The following NEK6 variants were observed in gnomAD, a reference collection of about 807,000 sequenced individuals.
NEK6 encodes NIMA related kinase 6.
A neutral mutation model predicts 43.5 loss-of-function variants in NEK6; 27 were observed. The observed-to-expected ratio is 0.62, with a 90% CI of 0.46 to 0.86. NEK6 has a LOEUF of 0.86. Ranked by LOEUF, NEK6 falls within the 40% of genes least tolerant of loss-of-function variation. The pLI is 0.00. For missense variants in NEK6, 318 were observed against 414.4 expected (o/e 0.77, Z 2.02); for synonymous variants, 167 against 164.1 (o/e 1.02, Z -0.14).
chr9:124,328,757 T>G (rs934764975), intron 7 of NEK6, among the ~76,000 whole-genome samples: 1 of 152,164 alleles, frequency 6.6e-6, no homozygotes, highest in Non-Finnish European at 1.5e-5. Flanking sequence ...TTAGGAGAAA[T>G]GTACGAGCCT....
chr9:124,274,589 G>A (rs1450976066), intron 1 of NEK6, among the ~76,000 whole-genome samples: 2 of 152,198 alleles, frequency 1.3e-5, no homozygotes, highest in African/African-American at 4.8e-5. Context: ...CTCACAGTCC[G>A]GGTACCTGTC....
chr9:124,305,431 G>A (rs1328831844), intron 2 of NEK6, among the ~76,000 whole-genome samples: 3 of 151,838 alleles, frequency 2.0e-5, no homozygotes, highest in South Asian at 2.1e-4. Flanking sequence ...GTGTTCACCT[G>A]TAATCTCAGC....
chr9:124,338,281 T>C (rs1829391700), intron 7 of NEK6, among the ~76,000 whole-genome samples: 2 of 152,190 alleles, frequency 1.3e-5, no homozygotes, highest in African/African-American at 4.8e-5. Flanking sequence ...GTGCCATTCA[T>C]TGTGTTTTAA....
intron 3 of NEK6, 59 bp from the exon 4 acceptor site, chr9:124,313,864 C>T (rs1336831683): frequency 3.8e-6 from 6 of 1,593,892 alleles, no homozygotes; most frequent in Admixed American, 1.7e-5. Flanking sequence ...CCGTGGCCTC[C>T]TTTGGGTCAC....
At chr9:124,263,996 C>T (rs546224824) in intron 1 of NEK6, among the ~76,000 whole-genome samples, 4 of 152,328 alleles carry the variant, frequency 2.6e-5, no homozygotes, top group South Asian at 2.1e-4. Context: ...TACACAGCGT[C>T]GGCCCCGCAG....
At chr9:124,331,975 T>A (rs1018369202) in intron 7 of NEK6, among the ~76,000 whole-genome samples, 1 of 152,216 alleles carries the variant, frequency 6.6e-6, no homozygotes, top group Admixed American at 6.5e-5. Context: ...GGCCTGAGTT[T>A]CAGCCGAGGT....
At chr9:124,349,661 T>G (rs1830145863) in intron 9 of NEK6, among the ~76,000 whole-genome samples, 1 of 152,230 alleles carries the variant, frequency 6.6e-6, no homozygotes, top group African/African-American at 2.4e-5. Flanking sequence ...CAACTGTGCG[T>G]TTACTTCATA....
In NEK6 at chr9:124,284,179, T is replaced by C. The variant is rs549738151; in HGVS notation, c.-29-17757T>C. ...GCCTGGCCAACATGTTGAAACCCTG[T>C]CTCTACTAAAAATACAAAAATTAGC... is the stretch of plus-strand genomic sequence containing the variant. On this transcript the variant is annotated intron_variant, in intron 1 of 9. Coordinates refer to ENST00000320246, the MANE Select transcript of NEK6 (RefSeq NM_014397.6). 2.6e-5 allele frequency among the ~76,000 whole-genome samples: 4 copies of C among 152,302 alleles called. No individual in the cohort carries two copies. The East Asian group carries it at 7.7e-4, about 29-fold the overall frequency.
rs373977104 is a variant in NEK6 at position 124,333,361 on chromosome 9, C to G, written c.622+5916C>G. ...CAGCCCTAGCTGCAGTCCAGGACAC[C>G]CTGCCCCCCAGTGAGACACAGCACC... On this transcript the variant is annotated intron_variant, in intron 7 of 9. Transcript: ENST00000320246. Among the ~76,000 whole-genome samples the G allele has an allele frequency of 3.3e-5, 5 of 152,118 alleles. No individual in the cohort carries two copies. In the East Asian group the frequency reaches 5.8e-4, roughly 18 times the overall value.
chr9:124,280,977 T>C (rs1338774160), intron 1 of NEK6, among the ~76,000 whole-genome samples: 1 of 152,022 alleles, frequency 6.6e-6, no homozygotes, highest in Non-Finnish European at 1.5e-5. Flanking sequence ...TTTGTGGAGA[T>C]GGGGTTTCTC....
chr9:124,286,504 A>C (rs1274635689), intron 1 of NEK6: 2 of 152,234 alleles, frequency 1.3e-5, no homozygotes, highest in Non-Finnish European at 2.9e-5. Flanking sequence ...AGTGCTGATT[A>C]AACAAAATCT....
chr9:124,269,079 T>C (rs1831328322), intron 1 of NEK6, among the ~76,000 whole-genome samples: 1 of 152,288 alleles, frequency 6.6e-6, no homozygotes, highest in Non-Finnish European at 1.5e-5. Context: ...CTGACATTTA[T>C]TGAGCGCTTG....
upstream of NEK6, chr9:124,257,881 C>G: frequency 2.0e-6 from 2 of 1,010,518 alleles, no homozygotes; most frequent in Non-Finnish European, 2.4e-6. Flanking sequence ...GCAGCGCGCA[C>G]GAGCGCTGGG....
In NEK6 at chr9:124,348,331, G is replaced by A. The variant is rs1361434279; in HGVS notation, c.831+509G>A. ...TCAACATTTTACACTGGCTGCGGGA[G>A]CCGTGGACACAGCTCCCATGGGTCT... On this transcript the variant is annotated intron_variant, in intron 9 of 9. Coordinates refer to ENST00000320246, the MANE Select transcript of NEK6 (RefSeq NM_014397.6). Among the ~76,000 whole-genome samples, 3 of 152,186 alleles carry A rather than the reference G, an allele frequency of 2.0e-5. 1 individual carries two copies. The highest frequency in any genetic ancestry group is 4.1e-4 in the South Asian group (2 of 4,832).
At chr9:124,321,424 T>G (rs1428387329) in intron 4 of NEK6, 35 bp from the exon 5 acceptor site, 1 of 1,437,210 alleles carries the variant, frequency 7.0e-7, no homozygotes, top group Non-Finnish European at 9.8e-7. Context: ...CCGTCTTCAC[T>G]TGGTGCCCCC....
chr9:124,321,729 G>A (rs1010678724), intron 5 of NEK6, among the ~76,000 whole-genome samples, 160 bp downstream of exon 5: 2 of 152,246 alleles, frequency 1.3e-5, no homozygotes, highest in Non-Finnish European at 2.9e-5. Flanking sequence ...GGCCTCAGCT[G>A]CAGTCTGGTG....
chr9:124,345,230 A>G (rs1441461056), intron 8 of NEK6, among the ~76,000 whole-genome samples: 1 of 152,164 alleles, frequency 6.6e-6, no homozygotes, highest in Non-Finnish European at 1.5e-5. Flanking sequence ...TATTTCGACC[A>G]GTCAGAGTCT....
chr9:124,322,415 C>G (rs3780207), intron 5 of NEK6, among the ~76,000 whole-genome samples: 8,132 of 152,306 alleles, frequency 0.053, 257 homozygotes, highest in East Asian at 0.1. Context: ...TTCAGTGAAA[C>G]AGCAGCACCT....
intron 1 of NEK6, among the ~76,000 whole-genome samples, chr9:124,272,853 C>T (rs1831503704): frequency 1.3e-5 from 2 of 152,202 alleles, no homozygotes; most frequent in Admixed American, 1.3e-4. Context: ...GTGCCCACTG[C>T]CAAGTCAGGA....
Sources: allele counts gnomAD v4.1 joint callset (sites outside exome capture counted in the v4.1 genomes callset), GRCh38; gene constraint gnomAD v4.1.1; transcripts MANE v1.5; gene names NCBI Gene and HGNC (gene_info 2026-07-23, HGNC 2026-07-21).